Variants in SLCO1B3 observed in about 807,000 individuals in gnomAD.
The protein encoded by SLCO1B3 is solute carrier organic anion transporter family member 1B3.
In SLCO1B3, 72 loss-of-function variants were observed where a neutral mutation model predicts 71.8. That is an observed-to-expected ratio of 1.00 (90% CI 0.83 to 1.22). The LOEUF (loss-of-function observed/expected upper bound fraction) is 1.22. Ranked by LOEUF, SLCO1B3 falls within the 50% of genes most tolerant of loss-of-function variation. SLCO1B3 has a pLI of 0.00. For missense variants in SLCO1B3, 911 were observed against 819.7 expected (o/e 1.11, Z -1.36); for synonymous variants, 298 against 278.4 (o/e 1.07, Z -0.70).
chr12:20,832,935 A>G (rs997731649), intron 3 of SLCO1B3, among the ~76,000 whole-genome samples: 2 of 119,328 alleles, frequency 1.7e-5, no homozygotes, highest in Non-Finnish European at 3.9e-5. Context: ...TTAATGGCAT[A>G]AAACAAACAA....
At chr12:20,814,406 G>A (rs1024644459) in intron 2 of SLCO1B3, among the ~76,000 whole-genome samples, 2 of 152,056 alleles carry the variant, frequency 1.3e-5, no homozygotes, top group African/African-American at 4.8e-5. Context: ...GAAATAATTA[G>A]ATATAAGCTA....
chr12:20,883,633 T>C (rs745887845), intron 13 of SLCO1B3, 31 bp downstream of exon 13: 1 of 1,414,700 alleles, frequency 7.1e-7, no homozygotes, highest in Non-Finnish European at 9.6e-7. Flanking sequence ...CATTGTCATG[T>C]ATATTAGACT....
At chr12:20,894,546 A>G (rs1865965711) in intron 13 of SLCO1B3, among the ~76,000 whole-genome samples, 1 of 152,132 alleles carries the variant, frequency 6.6e-6, no homozygotes, top group African/African-American at 2.4e-5. Flanking sequence ...GTGAAAATAC[A>G]GCTCAATAAC....
chr12:20,884,163 C>T (rs112856123), intron 13 of SLCO1B3, among the ~76,000 whole-genome samples: 23 of 152,042 alleles, frequency 1.5e-4, no homozygotes, highest in African/African-American at 4.8e-4. Flanking sequence ...ATATGATGTT[C>T]GATGAAGAAT....
At chr12:20,914,794 G>A (rs1866460309) in intron 15 of SLCO1B3, among the ~76,000 whole-genome samples, 1 of 152,104 alleles carries the variant, frequency 6.6e-6, no homozygotes. Context: ...GAATTTTTAA[G>A]TTGGTGTTTT....
At chr12:20,860,982 TA>T in intron 5 of SLCO1B3, 34 bp from the exon 6 acceptor site, 1 of 1,533,946 alleles carries the variant, frequency 6.5e-7, no homozygotes, top group Admixed American at 2.1e-5. Context: ...ATTCAGTAGA[TA>T]AGCAAAATGT....
intron 3 of SLCO1B3, chr12:20,845,195 G>T: frequency 2.8e-6 from 1 of 361,014 alleles, no homozygotes. Flanking sequence ...CCACATGGGA[G>T]AAGCAGATCT....
chr12:20,904,121 T>G (rs1044645645), intron 15 of SLCO1B3, among the ~76,000 whole-genome samples: 3 of 151,692 alleles, frequency 2.0e-5, no homozygotes, highest in Non-Finnish European at 4.4e-5. Context: ...GTGCCTGTAG[T>G]CCCAGCTACT....
chr12:20,845,090 C>T, intron 3 of SLCO1B3: 1 of 407,256 alleles, frequency 2.5e-6, no homozygotes, highest in South Asian at 2.0e-5. Context: ...GGATTCATTG[C>T]TAACCAAGGT....
At position 20,812,133 on chromosome 12, in the gene SLCO1B3, C is replaced by G. The variant is rs1032361821; in HGVS notation, c.-181+1369C>G. On this transcript the variant is annotated intron_variant, in intron 1 of 15. Coordinates refer to ENST00000381545, the MANE Select transcript of SLCO1B3 (RefSeq NM_019844.4). ...TGTTGGTCAGGCTGGTCTCGAACTC[C>G]CAACCTCAGGTGATCTGCCCGCCTC... Among the ~76,000 whole-genome samples, 12 of 152,088 alleles carry G rather than the reference C, an allele frequency of 7.9e-5. No homozygotes were observed. In the East Asian group the frequency reaches 2.3e-3, roughly 29 times the overall value.
At chr12:20,897,675 T>G (rs1278390798) in intron 13 of SLCO1B3, among the ~76,000 whole-genome samples, 1 of 152,210 alleles carries the variant, frequency 6.6e-6, no homozygotes, top group Non-Finnish European at 1.5e-5. Flanking sequence ...AAACCCTTTT[T>G]ATCAGTTAAT....
chr12:20,907,460 TCCCTTCCCCTTC>T (rs375335333), intron 15 of SLCO1B3, among the ~76,000 whole-genome samples: 3 of 76,192 alleles, frequency 3.9e-5, no homozygotes, highest in South Asian at 5.4e-4. Flanking sequence ...TTCCTTCCCC[TCCCTTCCCCTTC>T]CCCTTCCCCT....
chr12:20,877,981 C>T, intron 10 of SLCO1B3, 45 bp downstream of exon 10: 2 of 1,267,334 alleles, frequency 1.6e-6, no homozygotes, highest in African/African-American at 3.1e-5. Context: ...TGAAACACTG[C>T]TGAGTACTTG....
chr12:20,907,460 T>TCCCTTC (rs375335333), intron 15 of SLCO1B3, among the ~76,000 whole-genome samples: 21 of 76,240 alleles, frequency 2.8e-4, no homozygotes, highest in Admixed American at 2.0e-3. Context: ...TTCCTTCCCC[T>TCCCTTC]CCCTTCCCCT....
In SLCO1B3 at chr12:20,916,310, A is replaced by G; in HGVS notation, c.*63A>G. ...TTCCTGGTCTTTCACTGACAATTCC[A>G]ACATTCTTTACTTACAGTGGACCAA... On this transcript the variant is annotated 3_prime_UTR_variant, in exon 16 of 16. Transcript: ENST00000381545. The G allele has an allele frequency of 6.7e-7, 1 of 1,492,076 alleles. No individual in the cohort carries two copies. The highest frequency in any genetic ancestry group is 9.2e-7 in the Non-Finnish European group (1 of 1,089,058). 92.4% of individuals were successfully genotyped at this position (1,492,076 alleles called of 1,614,324 possible).
chr12:20,817,034 C>G (rs1381278599), intron 3 of SLCO1B3, among the ~76,000 whole-genome samples: 1 of 152,030 alleles, frequency 6.6e-6, no homozygotes, highest in African/African-American at 2.4e-5. Flanking sequence ...TTTTGCCTAC[C>G]TTTTGATCGG....
At chr12:20,832,215 G>T (rs775301860) in intron 3 of SLCO1B3, among the ~76,000 whole-genome samples, 1 of 152,014 alleles carries the variant, frequency 6.6e-6, no homozygotes, top group African/African-American at 2.4e-5. Context: ...GTGCATGTGC[G>T]CACACTAATA....
chr12:20,903,615 C>A (rs1866172635), intron 15 of SLCO1B3, among the ~76,000 whole-genome samples: 1 of 152,086 alleles, frequency 6.6e-6, no homozygotes, highest in Non-Finnish European at 1.5e-5. Context: ...AAGTGCCACA[C>A]ACTTCTAAAC....
At chr12:20,863,015 T>C (rs1028945099) in intron 8 of SLCO1B3, among the ~76,000 whole-genome samples, 161 bp downstream of exon 8, 1 of 152,196 alleles carries the variant, frequency 6.6e-6, no homozygotes, top group East Asian at 1.9e-4. Context: ...AAAAAAGAAA[T>C]TTAGCTCCTA....
Sources: gnomAD v4.1 joint callset for allele counts (sites outside exome capture counted in the v4.1 genomes callset) on GRCh38, gnomAD v4.1.1 for gene constraint, MANE v1.5 for transcripts, NCBI Gene and HGNC (gene_info 2026-07-23, HGNC 2026-07-21) for gene names.